HNF4G: variants seen among roughly 807,000 people sequenced by gnomAD.
The protein encoded by HNF4G is hepatocyte nuclear factor 4-gamma.
A neutral mutation model predicts 50.9 loss-of-function variants in HNF4G; 21 were observed. That is an observed-to-expected ratio of 0.41 (90% confidence interval 0.29 to 0.59). The LOEUF (loss-of-function observed/expected upper bound fraction) is 0.59, where lower values mean the gene tolerates loss of function less well. HNF4G is among the 20% of genes least tolerant of loss of function. The pLI is 0.26. For missense variants in HNF4G, 527 were observed against 559.4 expected (o/e 0.94, Z 0.58); for synonymous variants, 198 against 185.6 (o/e 1.07, Z -0.54).
intron 1 of HNF4G, among the ~76,000 whole-genome samples, chr8:75,439,870 CT>C (rs1811234852): frequency 6.6e-6 from 1 of 151,522 alleles, no homozygotes; most frequent in Non-Finnish European, 1.5e-5. Context: ...ATAACTAAGA[CT>C]TTTTTTTATA....
chr8:75,430,890 T>C (rs139626565), intron 1 of HNF4G, among the ~76,000 whole-genome samples: 2 of 152,240 alleles, frequency 1.3e-5, no homozygotes, highest in East Asian at 3.9e-4. Context: ...GAGAAGTAGA[T>C]TACGAAGATT....
rs35530555 is a variant in HNF4G at position 75,457,225 on chromosome 8, A to G, written c.-143-32864A>G. Among the ~76,000 whole-genome samples, 853 of 152,320 alleles carry G rather than the reference A, an allele frequency of 5.6e-3. 4 individuals are homozygous for G. The highest frequency in any genetic ancestry group is 9.7e-3 in the Non-Finnish European group (657 of 68,034). ...GTTGTAAAGAGGACCCACATACATC[A>G]GTTTTAAAAACAAGGAACCACACCT... On this transcript the variant is annotated intron_variant, in intron 1 of 10. Transcript: ENST00000354370.
chr8:75,480,258 CCTT>C (rs1276955612), intron 1 of HNF4G, among the ~76,000 whole-genome samples: 1 of 152,026 alleles, frequency 6.6e-6, no homozygotes, highest in Non-Finnish European at 1.5e-5. Context: ...AATCATTTCC[CCTT>C]CTTTGAGCAG....
At chr8:75,516,291 AT>A (rs1043435772) in intron 2 of HNF4G, among the ~76,000 whole-genome samples, 43 of 151,716 alleles carry the variant, frequency 2.8e-4, no homozygotes, top group African/African-American at 8.7e-4. Context: ...TAGTTCAAAT[AT>A]TTTTTTTTAA....
At chr8:75,483,470 C>T (rs181591962) in intron 1 of HNF4G, among the ~76,000 whole-genome samples, 51 of 152,270 alleles carry the variant, frequency 3.3e-4, no homozygotes, top group African/African-American at 1.2e-3. Flanking sequence ...GAAGTTCCCT[C>T]TGGTGCTCGG....
intron 1 of HNF4G, among the ~76,000 whole-genome samples, chr8:75,469,926 A>C (rs887720965): frequency 6.6e-6 from 1 of 152,180 alleles, no homozygotes; most frequent in East Asian, 1.9e-4. Flanking sequence ...TTATAAAAAA[A>C]GAAACCTGAG....
chr8:75,534,874 A>G, upstream of HNF4G, among the ~76,000 whole-genome samples: 1 of 151,964 alleles, frequency 6.6e-6, no homozygotes. Context: ...TTATTATAAT[A>G]AAACTATGTA....
intron 3 of HNF4G, among the ~76,000 whole-genome samples, chr8:75,549,716 A>G (rs980393206): frequency 1.3e-5 from 2 of 151,816 alleles, no homozygotes; most frequent in Non-Finnish European, 2.9e-5. Flanking sequence ...CCATTAACTC[A>G]TCATTTAGCA....
intron 1 of HNF4G, among the ~76,000 whole-genome samples, chr8:75,471,744 G>T (rs918163514): frequency 6.6e-6 from 1 of 152,128 alleles, no homozygotes; most frequent in African/African-American, 2.4e-5. Flanking sequence ...ATCATTTTCA[G>T]TTCTCTGAAC....
chr8:75,431,412 G>A (rs575040928), intron 1 of HNF4G, among the ~76,000 whole-genome samples: 39 of 152,276 alleles, frequency 2.6e-4, no homozygotes, highest in South Asian at 6.2e-4. Context: ...TTGATATAGT[G>A]AAATCGCTGA....
intron 1 of HNF4G, among the ~76,000 whole-genome samples, chr8:75,429,370 T>C (rs1212148845): frequency 6.6e-6 from 1 of 152,028 alleles, no homozygotes; most frequent in Non-Finnish European, 1.5e-5. Flanking sequence ...CTTTCTCTCT[T>C]TTTTTTTCTT....
chr8:75,540,120 T>C (rs774519204), intron 1 of HNF4G, 40 bp downstream of exon 1: 3 of 1,175,464 alleles, frequency 2.6e-6, no homozygotes, highest in Non-Finnish European at 3.8e-6. Context: ...GAAAAGTAAG[T>C]ATAATTGGAG....
At chr8:75,487,209 T>A (rs1812518835) in intron 1 of HNF4G, among the ~76,000 whole-genome samples, 1 of 152,190 alleles carries the variant, frequency 6.6e-6, no homozygotes, top group Admixed American at 6.5e-5. Context: ...AGACAGGTTT[T>A]TCTTTTACAT....
intron 1 of HNF4G, among the ~76,000 whole-genome samples, chr8:75,448,953 C>T (rs1811502776): frequency 1.3e-5 from 2 of 152,090 alleles, no homozygotes; most frequent in Non-Finnish European, 2.9e-5. Flanking sequence ...ATTTCTCAAA[C>T]CTCATTAAAA....
intron 2 of HNF4G, among the ~76,000 whole-genome samples, chr8:75,492,204 G>A (rs1308242269): frequency 6.6e-6 from 1 of 152,054 alleles, no homozygotes; most frequent in African/African-American, 2.4e-5. Flanking sequence ...CAGTTCAAAT[G>A]CCACCGCCCC....
intron 1 of HNF4G, among the ~76,000 whole-genome samples, chr8:75,475,527 T>C (rs1402578467): frequency 6.6e-6 from 1 of 152,168 alleles, no homozygotes; most frequent in Non-Finnish European, 1.5e-5. Context: ...TGTGTGTTTG[T>C]GTGTGTGTAA....
chr8:75,496,198 A>G (rs1812761338), intron 2 of HNF4G, among the ~76,000 whole-genome samples: 1 of 152,194 alleles, frequency 6.6e-6, no homozygotes, highest in Non-Finnish European at 1.5e-5. Context: ...TTATTCTGCA[A>G]GAAGAGTAAA....
At chr8:75,505,104 G>A (rs896534742) in intron 2 of HNF4G, among the ~76,000 whole-genome samples, 1 of 152,082 alleles carries the variant, frequency 6.6e-6, no homozygotes, top group African/African-American at 2.4e-5. Flanking sequence ...CTAGGGTTTC[G>A]AGGGAAGGTC....
intron 1 of HNF4G, chr8:75,408,257 AG>A (rs1810411643): frequency 2.6e-5 from 4 of 152,160 alleles, no homozygotes; most frequent in African/African-American, 7.3e-5. Flanking sequence ...AGAGAGAGAG[AG>A]AGAGGAGAGA....
Sources: allele counts gnomAD v4.1 joint callset (sites outside exome capture counted in the v4.1 genomes callset), GRCh38; gene constraint gnomAD v4.1.1; transcripts MANE v1.5; gene names NCBI Gene and HGNC (gene_info 2026-07-23, HGNC 2026-07-21).